FBH1: variants seen among roughly 807,000 people sequenced by gnomAD.
FBH1 encodes the protein DNA 3'-5' helicase 1.
In FBH1, 43 loss-of-function variants were observed where a neutral mutation model predicts 115.5. The ratio of observed to expected loss-of-function variants is 0.37; its 90% CI spans 0.29 to 0.48. FBH1 has a LOEUF of 0.48. Ranked by LOEUF, FBH1 falls within the 20% of genes least tolerant of loss-of-function variation. The pLI is 0.99. For missense variants in FBH1, 1,001 were observed against 1,337.3 expected (o/e 0.75, Z 3.92); for synonymous variants, 524 against 507.8 (o/e 1.03, Z -0.43).
At position 5,936,358 on chromosome 10, in the gene FBH1, C is replaced by A; in HGVS notation, c.2830-98C>A. The A allele has an allele frequency of 7.2e-7, 1 of 1,381,082 alleles. No homozygotes were observed. Among genetic ancestry groups the A allele is most frequent in the Non-Finnish European group, 1.0e-6 (1 of 1,000,142 alleles). The allele number at this position is 1,381,082 out of a possible 1,614,324, so 85.6% of individuals were successfully genotyped here. On this transcript the variant is annotated intron_variant, in intron 19 of 20. Coordinates refer to ENST00000362091, the MANE Select transcript of FBH1 (RefSeq NM_178150.3). This position sits in a 1 kb window ranked among gnomAD's most constrained non-coding sequence, Gnocchi z 5.6. Reference sequence around the variant, plus strand: ...GTTTTTCTCTCTGGGACTTACAGTGCATCTAAAGGGTTCTCACAGAGCCGC... The same window carrying A: ...GTTTTTCTCTCTGGGACTTACAGTGAATCTAAAGGGTTCTCACAGAGCCGC...
rs1239540596 is a variant in FBH1 at position 5,890,307 on chromosome 10, C to A, written c.-39C>A. On this transcript the variant is annotated 5_prime_UTR_variant, in exon 1 of 21. Coordinates refer to ENST00000362091, the MANE Select transcript of FBH1 (RefSeq NM_178150.3). ...GGCTGAGCGGCCGGCGGCGCGGGCC[C>A]GGCGGCGGCGGCAGCGGGGTCCGGG... 13 of 373,212 alleles carry A rather than the reference C, an allele frequency of 3.5e-5. No individual in the cohort carries two copies. In the East Asian group the frequency reaches 5.3e-4, roughly 15 times the overall value. The allele number at this position is 373,212 out of a possible 1,614,324, so 23.1% of individuals were successfully genotyped here.
rs1843308000 is a variant in FBH1 at position 5,900,935 on chromosome 10, A to G, written c.2-2085A>G. ...AACATAGTAAAACCCCGTCTCTACT[A>G]AAGATACAAAAGTTAGCTGGGTGTG... On this transcript the variant is annotated intron_variant, in intron 1 of 20. Transcript: ENST00000362091. This position sits in a 1 kb window ranked among gnomAD's most constrained non-coding sequence, Gnocchi z 4.2. 6.6e-6 allele frequency among the ~76,000 whole-genome samples: 1 copy of G among 152,008 alleles called. No homozygotes were observed. Among genetic ancestry groups the G allele is most frequent in the Non-Finnish European group, 1.5e-5 (1 of 68,010 alleles).
chr10:5,894,732 G>A (rs1416465288), intron 1 of FBH1, among the ~76,000 whole-genome samples: 1 of 152,202 alleles, frequency 6.6e-6, no homozygotes, highest in African/African-American at 2.4e-5. Context: ...AGCAATGTGT[G>A]TTACATGCTG....
intron 1 of FBH1, among the ~76,000 whole-genome samples, chr10:5,901,118 A>G (rs1376937044): frequency 6.6e-6 from 1 of 152,146 alleles, no homozygotes; most frequent in African/African-American, 2.4e-5. Flanking sequence ...AAAGAAAAAA[A>G]AAGAAATGTT....
intron 13 of FBH1, among the ~76,000 whole-genome samples, chr10:5,920,602 A>T (rs541911754): frequency 1.6e-4 from 24 of 152,332 alleles, no homozygotes; most frequent in Middle Eastern, 3.4e-3. Flanking sequence ...GTTATGGTTC[A>T]CTCAGAGTAG....
chr10:5,894,958 C>T, intron 1 of FBH1: 2 of 1,473,026 alleles, frequency 1.4e-6, no homozygotes, highest in South Asian at 2.7e-5. Flanking sequence ...GGTTTTATTC[C>T]TGCGAAGTGC....
At chr10:5,890,710 C>G (rs1842660094) in intron 1 of FBH1, among the ~76,000 whole-genome samples, 1 of 152,196 alleles carries the variant, frequency 6.6e-6, no homozygotes, top group South Asian at 2.1e-4. Flanking sequence ...TCTACTCTGA[C>G]GTTTTGACCT....
rs1313867594 is a variant in FBH1 at position 5,908,950 on chromosome 10, A to G, written c.779A>G (p.His260Arg). Residue 260 changes from histidine to arginine, a missense_variant, in exon 4 of 21, where the codon CAT becomes CGT. His to Arg is a conservative substitution (Grantham distance 29). This residue lies in a region of FBH1 where 420 missense variants were observed against 430.4 expected (regional missense o/e 0.98). Coordinates refer to ENST00000362091, the MANE Select transcript of FBH1 (RefSeq NM_178150.3). ...TTCATTCCTTGGAAGAAGCTGTACC[A>G]TCGATACCTGATGAATGAAGAGCAA... is the stretch of plus-strand genomic sequence containing the variant. ...PLFIPWKKLY[H>R]RYLMNEEQAV... is the part of the protein sequence containing the mutation. 1 of 1,614,048 alleles carries G rather than the reference A, an allele frequency of 6.2e-7. No individual in the cohort carries two copies. The highest frequency in any genetic ancestry group is 1.3e-5 in the African/African-American group (1 of 74,930).
rs1479106976 is a variant in FBH1, at chr10:5,915,864, C to T, written c.1565+293C>T. ...AGTTCAGAGTCTCACAAATCCTGAT[C>T]AGTTGTAGGCTTTTCTTGGAAGGGA... On this transcript the variant is annotated intron_variant, in intron 9 of 20. Coordinates refer to ENST00000362091, the MANE Select transcript of FBH1 (RefSeq NM_178150.3). The surrounding 1 kb of genome is among the most constrained non-coding windows in gnomAD (Gnocchi z 5.2). 2.1e-6 allele frequency: 1 copy of T among 472,666 alleles called. No individual in the cohort carries two copies. The highest frequency in any genetic ancestry group is 3.8e-5 in the Admixed American group (1 of 26,480). The allele number at this position is 472,666 out of a possible 1,614,324, so 29.3% of individuals were successfully genotyped here. A position where few individuals can be genotyped will look rare whatever the true frequency, so the allele number is the denominator to read the frequency against.
intron 1 of FBH1, among the ~76,000 whole-genome samples, chr10:5,892,762 A>G (rs1173123562): frequency 3.3e-5 from 5 of 152,178 alleles, no homozygotes; most frequent in Admixed American, 2.0e-4. Flanking sequence ...ATCTCTTTGA[A>G]TGTTCTACTA....
chr10:5,913,715 A>G lies in FBH1; in HGVS notation c.1212-32A>G, dbSNP rs761263301. On this transcript the variant is annotated intron_variant, in intron 6 of 20. Transcript: ENST00000362091. This position sits in a 1 kb window ranked among gnomAD's most constrained non-coding sequence, Gnocchi z 4.4. Reference sequence around the variant, plus strand: ...AGATGCAGATTGTGACTTGAATTTGAGACTTTCTAAATCTACTTTTTTTTC... The same window carrying G: ...AGATGCAGATTGTGACTTGAATTTGGGACTTTCTAAATCTACTTTTTTTTC... 9 of 1,456,660 alleles carry G rather than the reference A, an allele frequency of 6.2e-6. No homozygotes were observed. The highest frequency in any genetic ancestry group is 1.8e-4 in the Middle Eastern group (1 of 5,432). The allele number at this position is 1,456,660 out of a possible 1,614,324, so 90.2% of individuals were successfully genotyped here.
rs1020666078 is a variant in FBH1 at position 5,919,221 on chromosome 10, C to T, written c.2100+743C>T. On this transcript the variant is annotated intron_variant, in intron 13 of 20. Transcript: ENST00000362091. Reference sequence around the variant, plus strand: ...AGGCTTTTGGCTGGGCATGGTGGCTCATGCCTGTAATCCCAGCATTTTGGG... The same window carrying T: ...AGGCTTTTGGCTGGGCATGGTGGCTTATGCCTGTAATCCCAGCATTTTGGG... Among the ~76,000 whole-genome samples, 13 of 152,276 alleles carry T rather than the reference C, an allele frequency of 8.5e-5. No individual in the cohort carries two copies. In the East Asian group the frequency reaches 1.2e-3, roughly 14 times the overall value.
chr10:5,891,360 C>T (rs1192124002), intron 1 of FBH1, among the ~76,000 whole-genome samples: 1 of 152,156 alleles, frequency 6.6e-6, no homozygotes, highest in Non-Finnish European at 1.5e-5. Context: ...TGCCTTGTCA[C>T]TCCAGCAAAA....
rs1177337775 is a variant in FBH1 at position 5,921,283 on chromosome 10, C to T, written c.2126C>T (p.Ala709Val). ...AGTTTTCGGTTTGGTGTGGAAATAGCTTATGTGGGAGCTACTATCTTGGAT... is the reference window on the plus strand; with the variant it reads ...AGTTTTCGGTTTGGTGTGGAAATAGTTTATGTGGGAGCTACTATCTTGGAT... ...TQSFRFGVEI[A>V]YVGATILDVC... The change falls in exon 14 of 21, where the codon GCT becomes GTT. Residue 709 changes from alanine (A) to valine (V), a missense_variant. Coordinates refer to ENST00000362091, the MANE Select transcript of FBH1 (RefSeq NM_178150.3). This position sits in a 1 kb window ranked among gnomAD's most constrained non-coding sequence, Gnocchi z 6.4. 6.2e-7 allele frequency: 1 copy of T among 1,614,136 alleles called. No individual in the cohort carries two copies. The highest frequency in any genetic ancestry group is 1.7e-5 in the Admixed American group (1 of 60,026).
intron 1 of FBH1, among the ~76,000 whole-genome samples, chr10:5,902,756 T>G (rs1038450326): frequency 6.6e-6 from 1 of 152,030 alleles, no homozygotes; most frequent in South Asian, 2.1e-4. Flanking sequence ...GAGCATTTCA[T>G]GACCAAGTCT....
In FBH1 at chr10:5,914,375, A is replaced by G; in HGVS notation, c.1396+106A>G. 1.1e-6 allele frequency: 1 copy of G among 920,744 alleles called. No individual in the cohort carries two copies. Among genetic ancestry groups the G allele is most frequent in the Non-Finnish European group, 1.8e-6 (1 of 569,944 alleles). 57.0% of individuals were successfully genotyped at this position (920,744 alleles called of 1,614,324 possible). A position where few individuals can be genotyped will look rare whatever the true frequency, so the allele number is the denominator to read the frequency against. Reference sequence around the variant, plus strand: ...GCATCTTTGCTCTGATCTGTCATCCAACTAATAATTCAATAACAGATCAAA... The same window carrying G: ...GCATCTTTGCTCTGATCTGTCATCCGACTAATAATTCAATAACAGATCAAA... On this transcript the variant is annotated intron_variant, in intron 8 of 20. Coordinates refer to ENST00000362091, the MANE Select transcript of FBH1 (RefSeq NM_178150.3). The surrounding 1 kb of genome is among the most constrained non-coding windows in gnomAD (Gnocchi z 5.2).
chr10:5,915,319 A>G lies in FBH1; in HGVS notation c.1397-84A>G. 3 of 1,425,460 alleles carry G rather than the reference A, an allele frequency of 2.1e-6. No homozygotes were observed. The highest frequency in any genetic ancestry group is 2.9e-6 in the Non-Finnish European group (3 of 1,037,324). The allele number at this position is 1,425,460 out of a possible 1,614,324, so 88.3% of individuals were successfully genotyped here. A position where few individuals can be genotyped will look rare whatever the true frequency, so the allele number is the denominator to read the frequency against. On this transcript the variant is annotated intron_variant, in intron 8 of 20. Coordinates refer to ENST00000362091, the MANE Select transcript of FBH1 (RefSeq NM_178150.3). The surrounding 1 kb of genome is among the most constrained non-coding windows in gnomAD (Gnocchi z 5.2). The stretch of plus-strand genomic sequence containing the variant: ...CCTGCTCTCAAGACAGAGGTGTGAT[A>G]AGCCTGGACAAGGCCTGATTGGGGA...
In FBH1 at chr10:5,924,904, C is replaced by G; in HGVS notation, c.2596+396C>G. 8.1e-6 allele frequency: 3 copies of G among 370,810 alleles called. No individual in the cohort carries two copies. The highest frequency in any genetic ancestry group is 1.1e-5 in the Non-Finnish European group (2 of 188,524). 23.0% of individuals were successfully genotyped at this position (370,810 alleles called of 1,614,324 possible). A position where few individuals can be genotyped will look rare whatever the true frequency, so the allele number is the denominator to read the frequency against. On this transcript the variant is annotated intron_variant, in intron 17 of 20. Transcript: ENST00000362091. The surrounding 1 kb of genome is among the most constrained non-coding windows in gnomAD (Gnocchi z 6.2). ...CTTCCCTGTGTGGAATATCTTTGAG[C>G]AAGGATGGCTTTATTGCTTAAGGGA...
chr10:5,915,614 G>A lies in FBH1; in HGVS notation c.1565+43G>A, dbSNP rs778008344. ...TAGTGGCACTGTTGCTGCTGGCACGGTCGCGTCTTACTGTTTTCCCGTGAC... is the reference window on the plus strand; with the variant it reads ...TAGTGGCACTGTTGCTGCTGGCACGATCGCGTCTTACTGTTTTCCCGTGAC... On this transcript the variant is annotated intron_variant, in intron 9 of 20. Coordinates refer to ENST00000362091, the MANE Select transcript of FBH1 (RefSeq NM_178150.3). The surrounding 1 kb of genome is among the most constrained non-coding windows in gnomAD (Gnocchi z 5.2). 7 of 1,588,170 alleles carry A rather than the reference G, an allele frequency of 4.4e-6. No homozygotes were observed. The highest frequency in any genetic ancestry group is 3.4e-5 in the Admixed American group (2 of 59,446).
Sources: allele counts gnomAD v4.1 joint callset (sites outside exome capture counted in the v4.1 genomes callset), GRCh38; gene constraint gnomAD v4.1.1; regional missense constraint gnomAD v4.1.1; non-coding constraint Gnocchi (gnomAD v3.1); transcripts MANE v1.5; gene names NCBI Gene and HGNC (gene_info 2026-07-23, HGNC 2026-07-21).